KAZN: variants seen among roughly 807,000 people sequenced by gnomAD.
KAZN encodes the protein kazrin.
KAZN carries 40 observed loss-of-function variants against 87.4 expected under a neutral mutation model. The ratio of observed to expected loss-of-function variants is 0.46; its 90% CI spans 0.36 to 0.60. The LOEUF (loss-of-function observed/expected upper bound fraction) is 0.60. Among genes scored for constraint, KAZN ranks in the 20% least tolerant of loss-of-function variants. KAZN has a pLI of 0.00. For missense variants in KAZN, 898 were observed against 1,073.9 expected (o/e 0.84, Z 2.29); for synonymous variants, 466 against 458.3 (o/e 1.02, Z -0.22).
chr1:14,285,576 G>A (rs900741578), intron 2 of KAZN, among the ~76,000 whole-genome samples: 1 of 152,166 alleles, frequency 6.6e-6, no homozygotes, highest in African/African-American at 2.4e-5. Flanking sequence ...TTCGAAGGCT[G>A]TCTCTCAATG....
intron 1 of KAZN, among the ~76,000 whole-genome samples, chr1:14,901,931 C>T (rs982434063): frequency 3.3e-5 from 5 of 152,192 alleles, no homozygotes; most frequent in African/African-American, 1.2e-4. Context: ...GAAGCCACCT[C>T]TCTTGAGTGC....
intron 3 of KAZN, among the ~76,000 whole-genome samples, chr1:15,038,755 T>A (rs1672601632): frequency 6.6e-6 from 1 of 152,200 alleles, no homozygotes; most frequent in Non-Finnish European, 1.5e-5. Context: ...CAGATGTTTA[T>A]TGTGCACCTG....
rs556028550 is a variant in KAZN, at chr1:14,531,113, G to A, written c.250-67870G>A. On this transcript the variant is annotated intron_variant, in intron 2 of 16. Coordinates refer to the KAZN transcript ENST00000636203. The stretch of plus-strand genomic sequence containing the variant: ...GAATCAATCAGTAACCCAGCCTCAG[G>A]TATTTCTTTATAGCAACACAAAAAT... 1.4e-4 allele frequency among the ~76,000 whole-genome samples: 22 copies of A among 152,192 alleles called. No homozygotes were observed. The South Asian group carries it at 4.6e-3, about 32-fold the overall frequency.
chr1:14,170,289 T>A (rs1272647131), intron 1 of KAZN, among the ~76,000 whole-genome samples: 2 of 152,186 alleles, frequency 1.3e-5, no homozygotes, highest in Non-Finnish European at 2.9e-5. Context: ...TGATTTTGAA[T>A]CCGTGGTTCT....
chr1:14,664,451 G>A (rs770920872), intron 1 of KAZN, among the ~76,000 whole-genome samples: 1 of 152,028 alleles, frequency 6.6e-6, no homozygotes, highest in Non-Finnish European at 1.5e-5. Context: ...GTAGAATGGC[G>A]GTTGCCAGGG....
chr1:14,608,424 C>T (rs1354875294), intron 1 of KAZN, among the ~76,000 whole-genome samples: 1 of 152,178 alleles, frequency 6.6e-6, no homozygotes, highest in Non-Finnish European at 1.5e-5. Context: ...AATGAAGTGA[C>T]AAATACAGGA....
chr1:14,159,926 A>G (rs890963099), intron 1 of KAZN, among the ~76,000 whole-genome samples: 8 of 152,148 alleles, frequency 5.3e-5, no homozygotes, highest in African/African-American at 1.9e-4. Context: ...AGGGGGTCTT[A>G]TGACTCTGAC....
At chr1:14,087,664 G>A (rs932983319) in intron 1 of KAZN, among the ~76,000 whole-genome samples, 14 of 151,952 alleles carry the variant, frequency 9.2e-5, no homozygotes, top group African/African-American at 1.4e-4. Flanking sequence ...TTTATCAAGA[G>A]TGGCTGTTAA....
At chr1:14,253,273 C>T (rs951973982) in intron 2 of KAZN, among the ~76,000 whole-genome samples, 1 of 152,150 alleles carries the variant, frequency 6.6e-6, no homozygotes, top group Non-Finnish European at 1.5e-5. Flanking sequence ...TCCCAAGTCC[C>T]ATACAGCATT....
rs537188733 is a variant in KAZN, at chr1:14,882,240, C to T, written c.227-78444C>T. Among the ~76,000 whole-genome samples the T allele has an allele frequency of 4.6e-5, 7 of 152,348 alleles. No individual in the cohort carries two copies. In the South Asian group the frequency reaches 1.0e-3, roughly 23 times the overall value. ...GTTGTTAGAGCGTGAGCTCAGCATG[C>T]ACTCAGCTAAACTTCAGAGATTCCA... On this transcript the variant is annotated intron_variant, in intron 1 of 14. Transcript: ENST00000376030.
At chr1:13,972,342 T>C (rs1642169722) in intron 1 of KAZN, among the ~76,000 whole-genome samples, 1 of 151,408 alleles carries the variant, frequency 6.6e-6, no homozygotes, top group Non-Finnish European at 1.5e-5. Context: ...GGCGCTATCT[T>C]GGCTCATTGC....
chr1:14,056,158 T>C (rs1207234039), intron 1 of KAZN, among the ~76,000 whole-genome samples: 2 of 152,222 alleles, frequency 1.3e-5, no homozygotes, highest in Non-Finnish European at 2.9e-5. Flanking sequence ...CCAACTGTGG[T>C]TGGCAGAATA....
chr1:14,556,095 G>A (rs1165585445), intron 2 of KAZN, among the ~76,000 whole-genome samples: 2 of 150,676 alleles, frequency 1.3e-5, no homozygotes, highest in Non-Finnish European at 2.9e-5. Flanking sequence ...CTTTTCGGGA[G>A]AAGAGCAGTT....
intron 1 of KAZN, among the ~76,000 whole-genome samples, chr1:14,827,725 A>C (rs1248129844): frequency 6.6e-6 from 1 of 152,144 alleles, no homozygotes; most frequent in East Asian, 1.9e-4. Context: ...TTCTGCCAGC[A>C]AGCTTCAATT....
chr1:14,077,914 C>T (rs548820974), intron 1 of KAZN, among the ~76,000 whole-genome samples: 2 of 152,228 alleles, frequency 1.3e-5, no homozygotes, highest in East Asian at 1.9e-4. Flanking sequence ...TGCCGGCAGC[C>T]GCCTGCCACG....
In KAZN at chr1:14,851,419, C is replaced by T. The variant is rs374599052; in HGVS notation, c.227-109265C>T. ...TCAGCTGCCCCACCGCTGCGATAGC[C>T]CCTGGAGCAGAATCTCAAACACCCC... On this transcript the variant is annotated intron_variant, in intron 1 of 14. Coordinates refer to ENST00000376030, the MANE Select transcript of KAZN (RefSeq NM_201628.3). Among the ~76,000 whole-genome samples the T allele has an allele frequency of 1.3e-4, 20 of 152,350 alleles. No individual in the cohort carries two copies. The South Asian group carries it at 4.1e-3, about 32-fold the overall frequency.
At chr1:13,941,215 A>C (rs1016675012) in intron 1 of KAZN, among the ~76,000 whole-genome samples, 1 of 152,178 alleles carries the variant, frequency 6.6e-6, no homozygotes, top group Non-Finnish European at 1.5e-5. Flanking sequence ...CAACAAAAAA[A>C]AAACAATAAA....
chr1:14,512,479 C>T (rs991001464), intron 2 of KAZN, among the ~76,000 whole-genome samples: 1 of 149,376 alleles, frequency 6.7e-6, no homozygotes, highest in Non-Finnish European at 1.5e-5. Context: ...AGCCCCCCCA[C>T]CCCCACCCCA....
intron 2 of KAZN, among the ~76,000 whole-genome samples, chr1:14,416,642 C>G (rs1664783697): frequency 6.6e-6 from 1 of 151,934 alleles, no homozygotes; most frequent in Non-Finnish European, 1.5e-5. Flanking sequence ...GAGCCTAAGG[C>G]AGGAGAATTG....
Sources: gnomAD v4.1 joint callset for allele counts (sites outside exome capture counted in the v4.1 genomes callset) on GRCh38, gnomAD v4.1.1 for gene constraint, MANE v1.5 for transcripts, NCBI Gene and HGNC (gene_info 2026-07-23, HGNC 2026-07-21) for gene names.